PNKD: variants seen among roughly 807,000 people sequenced by gnomAD.
PNKD encodes PNKD metallo-beta-lactamase domain containing.
In PNKD, 36 loss-of-function variants were observed where a neutral mutation model predicts 45.3. The ratio of observed to expected loss-of-function variants is 0.80; its 90% CI spans 0.61 to 1.05. PNKD has a LOEUF of 1.05. PNKD is among the 50% of genes least tolerant of loss of function. PNKD has a pLI of 0.00. For synonymous variants in PNKD, 197 were observed against 210.1 expected (o/e 0.94, Z 0.54); for missense variants, 511 against 506.6 (o/e 1.01, Z -0.08).
intron 2 of PNKD, among the ~76,000 whole-genome samples, chr2:218,295,085 A>G (rs1693109672): frequency 4.6e-5 from 7 of 152,182 alleles, no homozygotes; most frequent in Admixed American, 4.6e-4. Flanking sequence ...AGCCCACACA[A>G]GCCTTGCTGC....
chr2:218,282,056 G>A (rs1346858545), intron 2 of PNKD: 1 of 1,601,644 alleles, frequency 6.2e-7, no homozygotes, highest in Admixed American at 1.7e-5. Context: ...CAGGACAGAT[G>A]GCTGCCCATA....
At chr2:218,294,975 C>G (rs148297971) in intron 2 of PNKD, among the ~76,000 whole-genome samples, 7 of 152,286 alleles carry the variant, frequency 4.6e-5, no homozygotes, top group Non-Finnish European at 1.0e-4. Context: ...CTAGAACCAC[C>G]AGGATGGTTA....
intron 2 of PNKD, among the ~76,000 whole-genome samples, chr2:218,304,853 T>C (rs1574678990): frequency 6.6e-6 from 1 of 152,074 alleles, no homozygotes; most frequent in African/African-American, 2.4e-5. Context: ...GGTGGGTGGA[T>C]CACTTGAGGT....
chr2:218,281,727 T>C (rs1692019544), intron 2 of PNKD, among the ~76,000 whole-genome samples: 2 of 152,158 alleles, frequency 1.3e-5, no homozygotes, highest in African/African-American at 4.8e-5. Context: ...ATGGATCTCC[T>C]TGAACAAAGG....
intron 2 of PNKD, among the ~76,000 whole-genome samples, chr2:218,308,669 C>T (rs1033920075): frequency 4.6e-5 from 7 of 151,906 alleles, no homozygotes; most frequent in Non-Finnish European, 8.8e-5. Flanking sequence ...TCACCGCAAC[C>T]TCCACCTCCC....
At chr2:218,274,955 T>C (rs907846067) in intron 2 of PNKD, 1 of 153,342 alleles carries the variant, frequency 6.5e-6, no homozygotes, top group African/African-American at 2.4e-5. Flanking sequence ...TCTACCTTCC[T>C]GAGCTAAAAG....
At chr2:218,282,696 G>C (rs984381080) in intron 2 of PNKD, among the ~76,000 whole-genome samples, 3 of 152,212 alleles carry the variant, frequency 2.0e-5, no homozygotes. Context: ...AGAGCCGGGG[G>C]AAGAAGTGGA....
chr2:218,292,622 T>C (rs1693017206), intron 2 of PNKD: 1 of 151,592 alleles, frequency 6.6e-6, no homozygotes, highest in South Asian at 2.1e-4. Flanking sequence ...CAGGGGTCTG[T>C]CCCGGGCGCG....
intron 2 of PNKD, chr2:218,334,724 A>T: frequency 1.4e-6 from 1 of 702,970 alleles, no homozygotes. Flanking sequence ...AGTGCATCAT[A>T]CCAAGAGGCA....
intron 2 of PNKD, chr2:218,334,906 C>T: frequency 3.3e-6 from 2 of 608,718 alleles, no homozygotes; most frequent in Non-Finnish European, 5.9e-6. Context: ...ACTGGGGTCT[C>T]CAGGTGTTAA....
chr2:218,328,845 C>G lies in PNKD; in HGVS notation c.237-10938C>G, dbSNP rs1010654580. Among the ~76,000 whole-genome samples, 7 of 152,208 alleles carry G rather than the reference C, an allele frequency of 4.6e-5. No individual in the cohort carries two copies. The South Asian group carries it at 1.0e-3, about 22-fold the overall frequency. On this transcript the variant is annotated intron_variant, in intron 2 of 9. Coordinates refer to ENST00000273077, the MANE Select transcript of PNKD (RefSeq NM_015488.5). The stretch of plus-strand genomic sequence containing the variant: ...CACTGTCTTCCCTCTTCGAGCTTCC[C>G]GTGCGCATTCTTGCTTGTACTGGAG...
chr2:218,305,102 A>C (rs772922800), intron 2 of PNKD, among the ~76,000 whole-genome samples: 1 of 152,060 alleles, frequency 6.6e-6, no homozygotes, highest in Non-Finnish European at 1.5e-5. Flanking sequence ...AAGTGGGGCG[A>C]CCATCACCTT....
intron 2 of PNKD, chr2:218,278,262 G>T: frequency 1.7e-6 from 1 of 604,070 alleles, no homozygotes; most frequent in Non-Finnish European, 2.9e-6. Flanking sequence ...TTTGAGCCTC[G>T]GGTTCTTCCT....
rs1167758595 is a variant in PNKD, at chr2:218,324,997, C to CTTTTTTTT, written c.237-14765_237-14758dup. Among the ~76,000 whole-genome samples the CTTTTTTTT allele has an allele frequency of 3.7e-4, 23 of 62,682 alleles. 6 individuals carry two copies. Among genetic ancestry groups the CTTTTTTTT allele is most frequent in the African/African-American group, 1.5e-3 (23 of 14,888 alleles). 41.1% of individuals were successfully genotyped at this position (62,682 alleles called of 152,430 possible). ...AACATGAAGGTATCTAAATAATTTT[C>CTTTTTTTT]TTTTTTTTTTTTTTTTTTTTTTTTT... On this transcript the variant is annotated intron_variant, in intron 2 of 9. Transcript: ENST00000273077.
intron 2 of PNKD, among the ~76,000 whole-genome samples, chr2:218,336,575 G>C (rs1694498132): frequency 6.6e-6 from 1 of 151,876 alleles, no homozygotes; most frequent in Non-Finnish European, 1.5e-5. Flanking sequence ...TGACCTCCTG[G>C]GTTCAAGTGA....
chr2:218,273,450 T>G (rs1268549280), intron 2 of PNKD, among the ~76,000 whole-genome samples: 7 of 149,422 alleles, frequency 4.7e-5, no homozygotes, highest in African/African-American at 1.5e-4. Context: ...TTTTGTGTTT[T>G]TTTTTTTTTT....
At chr2:218,338,494 C>T (rs1470354778) in intron 2 of PNKD, among the ~76,000 whole-genome samples, 2 of 150,968 alleles carry the variant, frequency 1.3e-5, no homozygotes, top group African/African-American at 4.9e-5. Context: ...AGGTGGGACA[C>T]GGTGGCTCAC....
chr2:218,283,162 G>A (rs1053426064), intron 2 of PNKD, among the ~76,000 whole-genome samples: 1 of 152,114 alleles, frequency 6.6e-6, no homozygotes, highest in South Asian at 2.1e-4. Flanking sequence ...CCCATAGCCA[G>A]GGGAGGGCCA....
rs554713591 is a variant in PNKD at position 218,308,134 on chromosome 2, C to A, written c.237-31649C>A. ...TTTAAAAGCACAAAAAAATAATAAA[C>A]AAATGGTACCCCATGAGTCAATCAA... is the stretch of plus-strand genomic sequence containing the variant. On this transcript the variant is annotated intron_variant, in intron 2 of 9. Transcript: ENST00000273077. 2.7e-5 allele frequency among the ~76,000 whole-genome samples: 4 copies of A among 150,550 alleles called. No homozygotes were observed. The East Asian group carries it at 7.8e-4, about 29-fold the overall frequency.
Sources: gnomAD v4.1 joint callset for allele counts (sites outside exome capture counted in the v4.1 genomes callset) on GRCh38, gnomAD v4.1.1 for gene constraint, MANE v1.5 for transcripts, NCBI Gene and HGNC (gene_info 2026-07-23, HGNC 2026-07-21) for gene names.